Variants in SATB1 observed in about 807,000 individuals in gnomAD.
SATB1 encodes the protein DNA-binding protein SATB1.
A neutral mutation model predicts 86.9 loss-of-function variants in SATB1; 11 were observed. The observed-to-expected ratio is 0.13, with a 90% CI of 0.08 to 0.21. The LOEUF is 0.21. SATB1 is among the 10% of genes least tolerant of loss of function. The probability of loss-of-function intolerance (pLI) is 1.00; values close to 1 mark genes in which losing one functional copy is unlikely to be tolerated. For missense variants in SATB1, 551 were observed against 937.6 expected, an observed-to-expected ratio of 0.59 and a Z score of 5.39; for synonymous variants, 357 against 357.2, an observed-to-expected ratio of 1.00 and a Z score of 0.01.
chr3:18,421,080 A>C (rs1698375957), intron 1 of SATB1, 89 bp from the exon 2 acceptor site: 1 of 803,164 alleles, frequency 1.2e-6, no homozygotes, highest in Non-Finnish European at 2.0e-6. Flanking sequence ...AGCTCTAGAT[A>C]TCTCTCCACA....
At chr3:18,383,170 C>G (rs1445581343) in intron 8 of SATB1, among the ~76,000 whole-genome samples, 2 of 152,218 alleles carry the variant, frequency 1.3e-5, no homozygotes, top group Non-Finnish European at 2.9e-5. Context: ...ACTGTCCCTA[C>G]TGGAGCACAT....
intron 10 of SATB1, chr3:18,350,956 G>A: frequency 3.3e-6 from 1 of 305,198 alleles, no homozygotes; most frequent in South Asian, 3.0e-5. Flanking sequence ...GAAGGCAGTG[G>A]CATTTTACTT....
intron 9 of SATB1, among the ~76,000 whole-genome samples, chr3:18,371,802 A>G (rs575380533): frequency 2.8e-4 from 42 of 152,366 alleles, no homozygotes; most frequent in Non-Finnish European, 4.4e-4. Context: ...GACTTTTAAG[A>G]AAAAACACTT....
intron 9 of SATB1, among the ~76,000 whole-genome samples, chr3:18,367,201 G>A (rs1695230411): frequency 6.6e-6 from 1 of 152,116 alleles, no homozygotes; most frequent in Admixed American, 6.5e-5. Context: ...CAAGTTGTTA[G>A]GTAAAACATC....
intron 9 of SATB1, among the ~76,000 whole-genome samples, chr3:18,370,020 G>C (rs544131242): frequency 6.6e-6 from 1 of 152,132 alleles, no homozygotes; most frequent in African/African-American, 2.4e-5. Context: ...AAACTCCCAA[G>C]GGGGAGACCT....
chr3:18,416,221 C>A, intron 3 of SATB1, 88 bp from the exon 4 acceptor site: 1 of 999,272 alleles, frequency 1.0e-6, no homozygotes, highest in South Asian at 2.1e-5. Context: ...TTTCTACTAC[C>A]CCTACCACAA....
At chr3:18,434,304 G>A (rs899407538) in intron 2 of SATB1, among the ~76,000 whole-genome samples, 1 of 151,882 alleles carries the variant, frequency 6.6e-6, no homozygotes, top group Non-Finnish European at 1.5e-5. Flanking sequence ...CCGCAGTTTA[G>A]GATGTAAAAC....
At chr3:18,393,948 AGAATT>A in intron 7 of SATB1, among the ~76,000 whole-genome samples, 1 of 151,718 alleles carries the variant, frequency 6.6e-6, no homozygotes, top group Admixed American at 6.6e-5. Flanking sequence ...ATGGCTGCTT[AGAATT>A]AAGTGGATTA....
intron 7 of SATB1, among the ~76,000 whole-genome samples, chr3:18,391,118 T>TA (rs201532014): frequency 4.0e-5 from 6 of 151,316 alleles, no homozygotes; most frequent in African/African-American, 1.2e-4. Flanking sequence ...AAGGTAGGCT[T>TA]AAAAAAAAAC....
chr3:18,392,227 CA>C (rs749887159), intron 7 of SATB1, among the ~76,000 whole-genome samples: 5 of 151,948 alleles, frequency 3.3e-5, no homozygotes, highest in Non-Finnish European at 7.4e-5. Context: ...TGATATTAAC[CA>C]CAGAGATGAT....
intron 3 of SATB1, 38 bp from the exon 4 acceptor site, chr3:18,416,171 A>G: frequency 6.5e-7 from 1 of 1,543,370 alleles, no homozygotes; most frequent in Non-Finnish European, 8.8e-7. Flanking sequence ...TAAATATTTT[A>G]CCCTCAGATA....
chr3:18,367,035 T>C (rs1451327512), intron 9 of SATB1, among the ~76,000 whole-genome samples: 1 of 152,172 alleles, frequency 6.6e-6, no homozygotes, highest in Non-Finnish European at 1.5e-5. Flanking sequence ...ACGTTAGATA[T>C]AATATGACCT....
At chr3:18,371,251 G>C (rs1028733159) in intron 9 of SATB1, among the ~76,000 whole-genome samples, 2 of 152,092 alleles carry the variant, frequency 1.3e-5, no homozygotes, top group Non-Finnish European at 1.5e-5. Context: ...AACAGAAGTA[G>C]ATTAAGACTT....
At position 18,378,190 on chromosome 3, in the gene SATB1, C is replaced by G. The variant is rs760272331; in HGVS notation, c.1555G>C (p.Val519Leu). ...AKVSQALFAK[V>L]AATKSQGWLC... ...CTTACCTGGCTTTTGGTTGCTGCAA[C>G]CTTTGCAAACAGTGCTTGAGACACT... Residue 519 changes from valine to leucine, a missense_variant, in exon 9 of 11, where the codon GTT becomes CTT. Val to Leu is a conservative substitution (Grantham distance 32). Transcript: ENST00000338745. 5.9e-5 allele frequency: 94 copies of G among 1,586,028 alleles called. No individual in the cohort carries two copies. The highest frequency in any genetic ancestry group is 7.9e-5 in the Non-Finnish European group (92 of 1,168,854).
At chr3:18,436,276 A>G (rs1336763114) in intron 2 of SATB1, among the ~76,000 whole-genome samples, 4 of 152,192 alleles carry the variant, frequency 2.6e-5, no homozygotes, top group African/African-American at 9.7e-5. Context: ...GAAAGAACGC[A>G]TAGAAGGTCA....
At chr3:18,351,347 G>A (rs569099399) in intron 10 of SATB1, 11 of 1,553,760 alleles carry the variant, frequency 7.1e-6, no homozygotes, top group Admixed American at 5.6e-5. Flanking sequence ...TGCAGGGGTC[G>A]GCAGGCCTGG....
chr3:18,411,470 T>C (rs2125150187), intron 5 of SATB1, among the ~76,000 whole-genome samples: 1 of 152,256 alleles, frequency 6.6e-6, no homozygotes, highest in Non-Finnish European at 1.5e-5. Context: ...TATACATTTA[T>C]CTAGTTTTTA....
In SATB1 at chr3:18,386,510, C is replaced by T. The variant is rs189252955; in HGVS notation, c.1308G>A (p.Pro436=). 247 of 1,614,076 alleles carry T rather than the reference C, an allele frequency of 1.5e-4. No individual in the cohort carries two copies. The highest frequency in any genetic ancestry group is 4.9e-4 in the Middle Eastern group (3 of 6,062). ...LRAMQNFLQL[P]EAERDRIYQD... ...GGTATATTCGGTCTCTTTCAGCTTC[C>T]GGTAACTGCAAGAAATTCTGCATAG... The change falls in exon 8 of 11, where the codon CCG becomes CCA. Residue 436 remains proline (P), a synonymous_variant. Transcript: ENST00000338745. The surrounding 1 kb of genome is among the most constrained non-coding windows in gnomAD (Gnocchi z 4.5).
intron 5 of SATB1, among the ~76,000 whole-genome samples, chr3:18,405,932 T>C (rs966721597): frequency 5.3e-5 from 8 of 152,034 alleles, no homozygotes. Flanking sequence ...TAATCTGGCT[T>C]CATCTCAATC....
Sources: gnomAD v4.1 joint callset for allele counts (sites outside exome capture counted in the v4.1 genomes callset) on GRCh38, gnomAD v4.1.1 for gene constraint, Gnocchi (gnomAD v3.1) non-coding constraint, MANE v1.5 for transcripts, NCBI Gene and HGNC (gene_info 2026-07-23, HGNC 2026-07-21) for gene names.